The following IL1RAPL1 variants were observed in gnomAD, a reference collection of about 807,000 sequenced individuals.
IL1RAPL1 encodes interleukin-1 receptor accessory protein-like 1.
IL1RAPL1 carries 3 observed loss-of-function variants against 48.4 expected under a neutral mutation model. The ratio of observed to expected loss-of-function variants is 0.06; its 90% CI spans 0.03 to 0.16. The LOEUF is 0.16. Ranked by LOEUF, IL1RAPL1 falls within the 10% of genes least tolerant of loss-of-function variation. IL1RAPL1 has a pLI of 1.00. For synonymous variants in IL1RAPL1, 185 were observed against 187.7 expected (o/e 0.99, Z 0.12); for missense variants, 349 against 530.6 (o/e 0.66, Z 3.36).
intron 5 of IL1RAPL1, among the ~76,000 whole-genome samples, chrX:29,608,878 C>T (rs1036260994): frequency 8.1e-5 from 9 of 111,309 alleles, no homozygotes; most frequent in African/African-American, 1.3e-4. Flanking sequence ...CAGCAATCAG[C>T]GTCATTGACA....
At chrX:29,436,611 A>C (rs1934485020) in intron 5 of IL1RAPL1, among the ~76,000 whole-genome samples, 1 of 109,989 alleles carries the variant, frequency 9.1e-6, no homozygotes, top group Non-Finnish European at 1.9e-5. Flanking sequence ...GGAGAGGAGC[A>C]AAAACCTTTC....
chrX:28,600,132 G>A (rs1934005910), intron 1 of IL1RAPL1, among the ~76,000 whole-genome samples: 3 of 111,817 alleles, frequency 2.7e-5, no homozygotes, highest in Admixed American at 9.5e-5. Context: ...TGACAAGATC[G>A]TATTTTTTCT....
chrX:28,704,833 A>AC lies in IL1RAPL1; in HGVS notation c.-24-84487_-24-84486insC, dbSNP rs1569155058. 4.9e-3 allele frequency among the ~76,000 whole-genome samples: 406 copies of AC among 82,919 alleles called. 3 individuals are homozygous for AC. The highest frequency in any genetic ancestry group is 0.016 in the African/African-American group (355 of 21,701). 72.0% of individuals were successfully genotyped at this position (82,919 alleles called of 115,157 possible). A position where few individuals can be genotyped will look rare whatever the true frequency, so the allele number is the denominator to read the frequency against. Reference sequence around the variant, plus strand: ...ACACACACACACACACACACACACAAAAAAAAAAAAAAAAAACTGTGACTG... The same window carrying AC: ...ACACACACACACACACACACACACAACAAAAAAAAAAAAAAAACTGTGACTG... On this transcript the variant is annotated intron_variant, in intron 1 of 10. Coordinates refer to ENST00000378993, the MANE Select transcript of IL1RAPL1 (RefSeq NM_014271.4).
At chrX:29,180,558 G>GT (rs1288750432) in intron 2 of IL1RAPL1, among the ~76,000 whole-genome samples, 1 of 109,984 alleles carries the variant, frequency 9.1e-6, no homozygotes, top group Non-Finnish European at 1.9e-5. Flanking sequence ...TGTATTTTTA[G>GT]TAGAGACGGG....
At chrX:29,313,117 C>T (rs892393099) in intron 3 of IL1RAPL1, among the ~76,000 whole-genome samples, 1 of 111,839 alleles carries the variant, frequency 8.9e-6, no homozygotes, top group African/African-American at 3.2e-5. Flanking sequence ...AGTCATAATA[C>T]AAATATTAAC....
chrX:29,000,458 C>A (rs902921507), intron 2 of IL1RAPL1, among the ~76,000 whole-genome samples: 7 of 111,931 alleles, frequency 6.3e-5, no homozygotes, highest in Non-Finnish European at 1.1e-4. Context: ...GGTCTTATGT[C>A]TTGTTTACCT....
Position 28,614,055 on chromosome X carries a change from A to G in IL1RAPL1, c.-25+26008A>G, listed in dbSNP as rs140875510. 6.4e-3 allele frequency among the ~76,000 whole-genome samples: 720 copies of G among 112,000 alleles called. 6 individuals are homozygous for G. Among genetic ancestry groups the G allele is most frequent in the African/African-American group, 0.022 (686 of 30,830 alleles). On this transcript the variant is annotated intron_variant, in intron 1 of 10. Coordinates refer to ENST00000378993, the MANE Select transcript of IL1RAPL1 (RefSeq NM_014271.4). ...CTTTGATCACTGAAACAGAGAAGGC[A>G]GTACTTAACCTGCTGGAAACAGGTC...
intron 9 of IL1RAPL1, among the ~76,000 whole-genome samples, chrX:29,942,539 ATAAAC>A (rs1249378941): frequency 2.7e-5 from 3 of 111,794 alleles, no homozygotes; most frequent in South Asian, 7.5e-4. Flanking sequence ...AAAAAGGAAA[ATAAAC>A]TAAGATAAAC....
intron 2 of IL1RAPL1, among the ~76,000 whole-genome samples, chrX:29,168,375 A>G (rs1929829134): frequency 9.4e-6 from 1 of 106,255 alleles, no homozygotes; most frequent in Non-Finnish European, 1.9e-5. Context: ...TTTGCTAACT[A>G]CTATTCTACT....
At chrX:29,391,943 A>C (rs1212728150) in intron 3 of IL1RAPL1, among the ~76,000 whole-genome samples, 1 of 112,300 alleles carries the variant, frequency 8.9e-6, no homozygotes, top group Non-Finnish European at 1.9e-5. Flanking sequence ...TAACATGAAG[A>C]CATTGAAAGA....
At chrX:29,880,235 G>A (rs1931997331) in intron 6 of IL1RAPL1, among the ~76,000 whole-genome samples, 1 of 111,587 alleles carries the variant, frequency 9.0e-6, no homozygotes, top group African/African-American at 3.2e-5. Context: ...ATATGCTAAC[G>A]TGTGTATATG....
intron 2 of IL1RAPL1, among the ~76,000 whole-genome samples, chrX:29,041,281 A>G (rs928185165): frequency 1.8e-5 from 2 of 111,577 alleles, no homozygotes; most frequent in Non-Finnish European, 3.8e-5. Context: ...ACGTATCTGC[A>G]GGCAGGGGGG....
chrX:29,484,644 G>A (rs758591012), intron 5 of IL1RAPL1, among the ~76,000 whole-genome samples: 5 of 111,626 alleles, frequency 4.5e-5, no homozygotes, highest in Non-Finnish European at 9.4e-5. Context: ...TGAGTAGAGA[G>A]TTAAAGGAAG....
chrX:28,911,820 C>T (rs1383489583), intron 2 of IL1RAPL1, among the ~76,000 whole-genome samples: 1 of 108,265 alleles, frequency 9.2e-6, no homozygotes, highest in Admixed American at 1.0e-4. Context: ...TTCCAATCGT[C>T]AGGGACTTTG....
chrX:28,647,381 T>G (rs1203106059), intron 1 of IL1RAPL1, among the ~76,000 whole-genome samples: 1 of 111,542 alleles, frequency 9.0e-6, no homozygotes. Context: ...TCCTCATGGG[T>G]CTCTGTTCTC....
chrX:28,928,419 TC>T (rs1470768554), intron 2 of IL1RAPL1, among the ~76,000 whole-genome samples: 2 of 111,721 alleles, frequency 1.8e-5, no homozygotes, highest in African/African-American at 6.5e-5. Context: ...GTAATTTTAC[TC>T]CACTGACTTC....
At chrX:28,861,086 T>A (rs1329552919) in intron 2 of IL1RAPL1, among the ~76,000 whole-genome samples, 1 of 111,535 alleles carries the variant, frequency 9.0e-6, no homozygotes, top group Non-Finnish European at 1.9e-5. Flanking sequence ...CCAAGCACAG[T>A]GTTAACTAGA....
chrX:29,589,116 C>T (rs1433210866), intron 5 of IL1RAPL1, among the ~76,000 whole-genome samples: 1 of 111,682 alleles, frequency 9.0e-6, no homozygotes, highest in African/African-American at 3.3e-5. Flanking sequence ...TTGGAAGAAC[C>T]TTAATTAAAG....
intron 5 of IL1RAPL1, among the ~76,000 whole-genome samples, chrX:29,654,355 G>A (rs1169234512): frequency 2.7e-5 from 3 of 111,654 alleles, no homozygotes; most frequent in African/African-American, 9.8e-5. Context: ...ATTTGTATTA[G>A]TCTGTTCTCA....
Sources: gnomAD v4.1 joint callset for allele counts (sites outside exome capture counted in the v4.1 genomes callset) on GRCh38, gnomAD v4.1.1 for gene constraint, MANE v1.5 for transcripts, NCBI Gene and HGNC (gene_info 2026-07-23, HGNC 2026-07-21) for gene names.